Variants in LRP12 observed in about 807,000 individuals in gnomAD.
LRP12 encodes low-density lipoprotein receptor-related protein 12.
A neutral mutation model predicts 66.0 loss-of-function variants in LRP12; 14 were observed. The ratio of observed to expected loss-of-function variants is 0.21; its 90% confidence interval spans 0.14 to 0.33. LRP12 has a LOEUF of 0.33. Ranked by LOEUF, LRP12 falls within the 10% of genes least tolerant of loss-of-function variation. The pLI is 1.00. For synonymous variants in LRP12, 357 were observed against 359.1 expected, an observed-to-expected ratio of 0.99 and a Z score of 0.07; for missense variants, 889 against 1,053.4, an observed-to-expected ratio of 0.84 and a Z score of 2.16.
At chr8:104,522,616 T>C (rs1340292499) in intron 2 of LRP12, among the ~76,000 whole-genome samples, 1 of 152,126 alleles carries the variant, frequency 6.6e-6, no homozygotes, top group Non-Finnish European at 1.5e-5. Flanking sequence ...GGTAGGAATA[T>C]TTGGAAGTTG....
intron 2 of LRP12, among the ~76,000 whole-genome samples, chr8:104,524,972 T>A (rs13250948): frequency 0.064 from 9,706 of 152,158 alleles, 373 homozygotes; most frequent in South Asian, 0.08. Flanking sequence ...TAAATCAACT[T>A]GACGTAAGAT....
rs542085910 is a variant in LRP12 at position 104,561,818 on chromosome 8, G to C, written c.79+27001C>G. Among the ~76,000 whole-genome samples, 46 of 152,224 alleles carry C rather than the reference G, an allele frequency of 3.0e-4. 1 individual carries two copies. Among genetic ancestry groups the C allele is most frequent in the African/African-American group, 2.4e-4 (10 of 41,546 alleles). ...TGTGTCCTTTTGGCTGGAACTACTA[G>C]TCTTTGGTAGCTTCCTTGCTTTCTG... On this transcript the variant is annotated intron_variant, in intron 1 of 6. Transcript: ENST00000276654.
At chr8:104,588,499 G>C (rs924618894) in intron 1 of LRP12, among the ~76,000 whole-genome samples, 4 of 152,186 alleles carry the variant, frequency 2.6e-5, no homozygotes, top group African/African-American at 9.7e-5. Flanking sequence ...CAGGCTACGG[G>C]TCCTGGAGCA....
At chr8:104,522,280 G>A (rs1204322165) in intron 2 of LRP12, among the ~76,000 whole-genome samples, 1 of 151,906 alleles carries the variant, frequency 6.6e-6, no homozygotes, top group African/African-American at 2.4e-5. Flanking sequence ...GTTGTAAAAG[G>A]CATACAGGAT....
In LRP12 at chr8:104,496,956, C is replaced by A; in HGVS notation, c.1580+16G>T. ...CTGCTTTTATTGAGGCCCAATAGTT[C>A]TGTCTTGATACTGACCTTCTTTCAA... On this transcript the variant is annotated intron_variant, in intron 5 of 6. Transcript: ENST00000276654. 6.7e-7 allele frequency: 1 copy of A among 1,499,050 alleles called. No homozygotes were observed. The highest frequency in any genetic ancestry group is 1.4e-5 in the South Asian group (1 of 70,060). The allele number at this position is 1,499,050 out of a possible 1,614,324, so 92.9% of individuals were successfully genotyped here. A position where few individuals can be genotyped will look rare whatever the true frequency, so the allele number is the denominator to read the frequency against.
At chr8:104,552,467 C>T (rs1249008623) in intron 1 of LRP12, among the ~76,000 whole-genome samples, 3 of 150,476 alleles carry the variant, frequency 2.0e-5, no homozygotes, top group Admixed American at 6.6e-5. Flanking sequence ...GTTGGGAGTT[C>T]GAGACCAGCC....
chr8:104,568,380 TAGATATA>T (rs1378490218), intron 1 of LRP12, among the ~76,000 whole-genome samples: 1 of 152,180 alleles, frequency 6.6e-6, no homozygotes, highest in Non-Finnish European at 1.5e-5. Context: ...AATGGATTCT[TAGATATA>T]ATATCAAAGA....
At chr8:104,560,775 G>GT (rs1484766588) in intron 1 of LRP12, among the ~76,000 whole-genome samples, 1 of 152,112 alleles carries the variant, frequency 6.6e-6, no homozygotes, top group Non-Finnish European at 1.5e-5. Flanking sequence ...GTTGTCTCCT[G>GT]TTTTTTCAGT....
At chr8:104,502,044 A>G (rs1810835548) in intron 3 of LRP12, among the ~76,000 whole-genome samples, 1 of 152,228 alleles carries the variant, frequency 6.6e-6, no homozygotes, top group Non-Finnish European at 1.5e-5. Context: ...TATCTAGAAC[A>G]TAGAAGATAC....
At chr8:104,582,246 T>C (rs1478994450) in intron 1 of LRP12, among the ~76,000 whole-genome samples, 6 of 152,170 alleles carry the variant, frequency 3.9e-5, no homozygotes, top group Non-Finnish European at 8.8e-5. Context: ...ATTTCACATC[T>C]TCACCAAACT....
chr8:104,554,390 T>C (rs138199186), intron 1 of LRP12, among the ~76,000 whole-genome samples: 1,749 of 151,746 alleles, frequency 0.012, 19 homozygotes, highest in Non-Finnish European at 0.016. Flanking sequence ...TTACAGGATA[T>C]GGCCAGAAAA....
Position 104,497,633 on chromosome 8 carries a change from C to T in LRP12, c.919G>A (p.Asp307Asn), listed in dbSNP as rs773155721. The change falls in exon 5 of 7, where the codon GAT (aspartate) becomes AAT (asparagine). Residue 307 changes from aspartate to asparagine, a missense_variant. By Grantham distance (23) the Asp-to-Asn change is conservative. Around this residue, in one of 3 missense-constraint regions of LRP12, gnomAD observed 800 missense variants for 964.5 expected, o/e 0.83. Transcript: ENST00000276654. This position sits in a 1 kb window ranked among gnomAD's most constrained non-coding sequence, Gnocchi z 4.3. ...ACATAATCACCATAACCAGTACCAT[C>T]AAGTTTAAAGTCAGTGAAGCGTAAA... ...VILRFTDFKL[D>N]GTGYGDYVKI... 6.2e-7 allele frequency: 1 copy of T among 1,614,080 alleles called. No homozygotes were observed. The highest frequency in any genetic ancestry group is 8.5e-7 in the Non-Finnish European group (1 of 1,180,000).
intron 1 of LRP12, among the ~76,000 whole-genome samples, chr8:104,547,818 T>C (rs1215734156): frequency 3.1e-5 from 4 of 127,374 alleles, no homozygotes; most frequent in Non-Finnish European, 6.3e-5. Flanking sequence ...TAATTCTATA[T>C]ACTTTGTATA....
intron 2 of LRP12, among the ~76,000 whole-genome samples, chr8:104,526,773 C>A (rs1414245889): frequency 6.8e-6 from 1 of 147,378 alleles, no homozygotes; most frequent in Non-Finnish European, 1.5e-5. Context: ...TAGGCATGGG[C>A]AAGGACTTCA....
intron 2 of LRP12, among the ~76,000 whole-genome samples, chr8:104,529,420 T>C (rs1212205580): frequency 6.6e-6 from 1 of 152,172 alleles, no homozygotes; most frequent in Non-Finnish European, 1.5e-5. Flanking sequence ...TTTCTAAATG[T>C]GTATCTGAAA....
intron 1 of LRP12, among the ~76,000 whole-genome samples, chr8:104,563,312 T>C (rs1210415118): frequency 6.6e-6 from 1 of 152,172 alleles, no homozygotes; most frequent in African/African-American, 2.4e-5. Flanking sequence ...GAACAAATAT[T>C]TGAGGTACAT....
intron 1 of LRP12, among the ~76,000 whole-genome samples, chr8:104,535,270 C>T (rs1183022418): frequency 6.6e-6 from 1 of 151,824 alleles, no homozygotes; most frequent in Non-Finnish European, 1.5e-5. Context: ...GAGAGAGAAT[C>T]AACTAAAATA....
At chr8:104,514,568 A>T (rs1366640044) in intron 2 of LRP12, among the ~76,000 whole-genome samples, 2 of 145,994 alleles carry the variant, frequency 1.4e-5, no homozygotes, top group African/African-American at 5.2e-5. Context: ...AAAAAAAATT[A>T]GCCAGGCGTG....
At chr8:104,526,721 G>T (rs1397212043) in intron 2 of LRP12, among the ~76,000 whole-genome samples, 157 of 147,628 alleles carry the variant, frequency 1.1e-3, no homozygotes, top group African/African-American at 3.0e-3. Flanking sequence ...CCTAAAACCA[G>T]AAAAACCCTA....
Sources: gnomAD v4.1 joint callset for allele counts (sites outside exome capture counted in the v4.1 genomes callset) on GRCh38, gnomAD v4.1.1 for gene constraint, gnomAD v4.1.1 regional missense constraint, Gnocchi (gnomAD v3.1) non-coding constraint, MANE v1.5 for transcripts, NCBI Gene and HGNC (gene_info 2026-07-23, HGNC 2026-07-21) for gene names.